ILDR1: variants seen among roughly 807,000 people sequenced by gnomAD.
The protein encoded by ILDR1 is immunoglobulin like domain containing receptor 1, also known as immunoglobulin-like domain-containing receptor 1.
In ILDR1, 56 loss-of-function variants were observed where a neutral mutation model predicts 62.4. The observed-to-expected ratio is 0.90, with a 90% CI of 0.72 to 1.12. The LOEUF is 1.12. Ranked by LOEUF, ILDR1 falls within the 50% of genes most tolerant of loss-of-function variation. The pLI is 0.00. For synonymous variants in ILDR1, 284 were observed against 277.8 expected (o/e 1.02, Z -0.22); for missense variants, 736 against 710.6 (o/e 1.04, Z -0.41).
intron 5 of ILDR1, among the ~76,000 whole-genome samples, chr3:121,996,822 C>G (rs2071444057): frequency 1.3e-5 from 2 of 152,282 alleles, no homozygotes; most frequent in African/African-American, 2.4e-5. Context: ...TCTCAACAAC[C>G]CTTTGGTCAC....
the ILDR1 span, among the ~76,000 whole-genome samples, chr3:122,035,915 C>T: frequency 6.6e-6 from 1 of 152,116 alleles, no homozygotes; most frequent in Non-Finnish European, 1.5e-5. Context: ...GAGGTTGGAA[C>T]AGTTTGGAGG....
Position 122,014,374 on chromosome 3 carries a change from T to C in ILDR1, c.59-7213A>G, listed in dbSNP as rs2071749210. On this transcript the variant is annotated intron_variant, in intron 1 of 7. Transcript: ENST00000344209. ...TTTAAATTAATCATATTATGTACAT[T>C]GATTTGTGACTTTTTCTTCAAACTA... 3.3e-5 allele frequency among the ~76,000 whole-genome samples: 5 copies of C among 152,216 alleles called. No individual in the cohort carries two copies. The South Asian group carries it at 1.0e-3, about 32-fold the overall frequency.
intron 1 of ILDR1, among the ~76,000 whole-genome samples, chr3:122,008,812 C>G (rs2107667757): frequency 6.6e-6 from 1 of 152,028 alleles, no homozygotes; most frequent in Non-Finnish European, 1.5e-5. Context: ...AGGCTAGGCT[C>G]AAACTCCTGA....
chr3:121,993,247 G>A lies in ILDR1; in HGVS notation c.1502C>T (p.Ser501Phe), dbSNP rs774472194. 6.2e-7 allele frequency: 1 copy of A among 1,613,908 alleles called. No individual in the cohort carries two copies. Among genetic ancestry groups the A allele is most frequent in the East Asian group, 2.2e-5 (1 of 44,874 alleles). Residue 501 changes from serine to phenylalanine, a missense_variant, in exon 7 of 8, where the codon TCC (serine) becomes TTC (phenylalanine). Transcript: ENST00000344209. Reference sequence around the variant, plus strand: ...CGGCTTCTCCTCGGGCCAGTGTGGGGAGTGCGAGCCGCGGCGGTGGGCCCG... The same window carrying A: ...CGGCTTCTCCTCGGGCCAGTGTGGGAAGTGCGAGCCGCGGCGGTGGGCCCG... ...SWRAHRRGSH[S>F]PHWPEEKPPS... is the part of the protein sequence containing the mutation.
Position 121,993,216 on chromosome 3 carries a change from G to T in ILDR1, c.1533C>A (p.Ser511Arg), listed in dbSNP as rs1427833346. The T allele has an allele frequency of 6.2e-7, 1 of 1,613,998 alleles. No individual in the cohort carries two copies. Among genetic ancestry groups the T allele is most frequent in the South Asian group, 1.1e-5 (1 of 91,038 alleles). ...SPHWPEEKPP[S>R]YRSLDITPGK... ...CTGGAGTGATATCAAGTGAGCGGTAGCTAGGCGGCTTCTCCTCGGGCCAGT... is the reference window on the plus strand; with the variant it reads ...CTGGAGTGATATCAAGTGAGCGGTATCTAGGCGGCTTCTCCTCGGGCCAGT... Residue 511 changes from serine (S) to arginine (R), a missense_variant, in exon 7 of 8, where the codon AGC becomes AGA. By Grantham distance (110) the Ser-to-Arg change is moderately radical. Coordinates refer to ENST00000344209, the MANE Select transcript of ILDR1 (RefSeq NM_001199799.2).
chr3:122,041,269 T>C, the ILDR1 span, among the ~76,000 whole-genome samples: 2 of 152,218 alleles, frequency 1.3e-5, no homozygotes, highest in Non-Finnish European at 2.9e-5. Flanking sequence ...CCCTTATGAA[T>C]GGATGAATGT....
At chr3:122,010,017 G>C (rs1232141764) in intron 1 of ILDR1, among the ~76,000 whole-genome samples, 3 of 152,248 alleles carry the variant, frequency 2.0e-5, no homozygotes, top group African/African-American at 4.8e-5. Flanking sequence ...TGGGCAGGAA[G>C]ACTTCATGAA....
chr3:122,061,122 A>C, the ILDR1 span, among the ~76,000 whole-genome samples: 44 of 152,238 alleles, frequency 2.9e-4, no homozygotes, highest in Non-Finnish European at 4.4e-4. Flanking sequence ...AGGAATGAAC[A>C]TTTGGTTAAG....
Position 121,993,839 on chromosome 3 carries a change from G to T in ILDR1, c.910C>A (p.Pro304Thr). Reference sequence around the variant, plus strand: ...TGGCCAAATCTGCCTTTGAGGTCAGGGGGCAGAGGCTGGGCCAGGTTGAGG... The same window carrying T: ...TGGCCAAATCTGCCTTTGAGGTCAGTGGGCAGAGGCTGGGCCAGGTTGAGG... The part of the protein sequence containing the change: ...RNLNLAQPLP[P>T]DLKGRFGHPC... The change falls in exon 7 of 8, where the codon CCT becomes ACT. Residue 304 changes from proline (P) to threonine (T), a missense_variant. Coordinates refer to ENST00000344209, the MANE Select transcript of ILDR1 (RefSeq NM_001199799.2). The T allele has an allele frequency of 6.2e-7, 1 of 1,614,130 alleles. No homozygotes were observed. The highest frequency in any genetic ancestry group is 8.5e-7 in the Non-Finnish European group (1 of 1,180,024).
the ILDR1 span, among the ~76,000 whole-genome samples, chr3:122,047,171 C>A: frequency 8.8e-5 from 13 of 148,508 alleles, no homozygotes; most frequent in Non-Finnish European, 1.5e-4. Flanking sequence ...TGTTGGAATA[C>A]CCTGCCGTGT....
chr3:122,059,535 CAAAA>C, the ILDR1 span, among the ~76,000 whole-genome samples: 1 of 67,942 alleles, frequency 1.5e-5, no homozygotes, highest in Admixed American at 1.7e-4. Flanking sequence ...GACTCCGTCT[CAAAA>C]AAAAAAAAAA....
the ILDR1 span, among the ~76,000 whole-genome samples, chr3:122,037,436 G>T: frequency 6.6e-6 from 1 of 152,206 alleles, no homozygotes; most frequent in Non-Finnish European, 1.5e-5. Context: ...GATTATTTTG[G>T]AGCTTTAAGA....
intron 7 of ILDR1, among the ~76,000 whole-genome samples, chr3:121,992,296 C>T (rs1227583936): frequency 1.3e-5 from 2 of 152,136 alleles, no homozygotes; most frequent in Non-Finnish European, 2.9e-5. Flanking sequence ...GCCACCACAC[C>T]CAGCTAATTT....
chr3:122,055,605 T>A, the ILDR1 span: 4 of 1,055,670 alleles, frequency 3.8e-6, no homozygotes, highest in Non-Finnish European at 5.8e-6. Flanking sequence ...TTCACTTAGT[T>A]CCTAAGTGGA....
At chr3:122,045,735 T>G in the ILDR1 span, among the ~76,000 whole-genome samples, 10 of 149,594 alleles carry the variant, frequency 6.7e-5, no homozygotes, top group Non-Finnish European at 1.0e-4. Context: ...AGACTAGGAT[T>G]GCAACCCCTG....
rs371191715 is a variant in ILDR1, at chr3:121,993,946, G to A, written c.803C>T (p.Pro268Leu). 1.9e-5 allele frequency: 30 copies of A among 1,612,066 alleles called. No individual in the cohort carries two copies. In the African/African-American group the frequency reaches 1.9e-4, roughly 10 times the overall value. The change falls in exon 7 of 8, where the codon CCG (proline) becomes CTG (leucine). Residue 268 changes from proline to leucine, a missense_variant. Coordinates refer to ENST00000344209, the MANE Select transcript of ILDR1 (RefSeq NM_001199799.2). The part of the protein sequence containing the change: ...QRDLSLPSSL[P>L]QMPMTQTTNQ... ...GGTGGTCTGGGTCATTGGCATCTGC[G>A]GGAGGCTGGACGGCAGGGACAAATC...
the ILDR1 span, among the ~76,000 whole-genome samples, chr3:122,047,877 C>T: frequency 2.3e-3 from 350 of 152,352 alleles, 1 homozygote; most frequent in African/African-American, 8.1e-3. Flanking sequence ...CCGTCTTCTG[C>T]GTCGCTCACG....
At chr3:122,009,613 AG>A (rs1411967251) in intron 1 of ILDR1, among the ~76,000 whole-genome samples, 1 of 152,106 alleles carries the variant, frequency 6.6e-6, no homozygotes, top group Non-Finnish European at 1.5e-5. Flanking sequence ...CCTTATTACG[AG>A]GGCCAAGGAG....
intron 1 of ILDR1, 145 bp from the exon 2 acceptor site, chr3:122,007,306 C>T: frequency 4.5e-6 from 7 of 1,542,584 alleles, no homozygotes; most frequent in Non-Finnish European, 5.2e-6. Flanking sequence ...TTCTTACTCA[C>T]CTGGGCAGGC....
Sources: gnomAD v4.1 joint callset for allele counts (sites outside exome capture counted in the v4.1 genomes callset) on GRCh38, gnomAD v4.1.1 for gene constraint, MANE v1.5 for transcripts, NCBI Gene and HGNC (gene_info 2026-07-23, HGNC 2026-07-21) for gene names.